RYR2: variants seen among roughly 807,000 people sequenced by gnomAD.
RYR2 encodes the protein ryanodine receptor 2, also known as cardiac muscle ryanodine receptor-calcium release channel.
A neutral mutation model predicts 601.1 loss-of-function variants in RYR2; 227 were observed. The ratio of observed to expected loss-of-function variants is 0.38; its 90% CI spans 0.34 to 0.42. The LOEUF (loss-of-function observed/expected upper bound fraction) is 0.42, where lower values mean the gene tolerates loss of function less well. RYR2 is among the 10% of genes least tolerant of loss of function. The pLI is 1.00. For missense variants in RYR2, 4,646 were observed against 6,156.5 expected (o/e 0.75, Z 8.21); for synonymous variants, 2,223 against 2,175.1 (o/e 1.02, Z -0.61).
In RYR2 at chr1:237,796,107, C is replaced by T. The variant is rs1031189933; in HGVS notation, c.13956+776C>T. On this transcript the variant is annotated intron_variant, in intron 96 of 104. Coordinates refer to ENST00000366574, the MANE Select transcript of RYR2 (RefSeq NM_001035.3). ...GGAGGAGGTACAAGTGTTTTGTTCC[C>T]TCGTGACCTGGCATCTTGAGTCGCA... Among the ~76,000 whole-genome samples the T allele has an allele frequency of 2.6e-5, 4 of 151,726 alleles. No individual in the cohort carries two copies. In the East Asian group the frequency reaches 5.8e-4, roughly 22 times the overall value.
chr1:237,496,093 G>A (rs1664039978), intron 19 of RYR2, among the ~76,000 whole-genome samples: 1 of 152,124 alleles, frequency 6.6e-6, no homozygotes, highest in African/African-American at 2.4e-5. Context: ...TCTTAGAGAA[G>A]CATGACTAAT....
rs974847063 is a variant in RYR2, at chr1:237,660,821, T to G, written c.8310T>G (p.Ile2770Met). 1 of 1,542,448 alleles carries G rather than the reference T, an allele frequency of 6.5e-7. No individual in the cohort carries two copies. The highest frequency in any genetic ancestry group is 1.4e-5 in the African/African-American group (1 of 72,746). Residue 2770 changes from isoleucine (I) to methionine (M), a missense_variant, in exon 56 of 105, where the codon ATT becomes ATG. Physicochemically the swap from Ile to Met is conservative, Grantham distance 10. Around this residue, in one of 17 missense-constraint regions of RYR2, gnomAD observed 1,497 missense variants for 1,842.6 expected, o/e 0.81. Transcript: ENST00000366574. ...YKLLSEKEKE[I>M]YRWPIKESLK... ...TTTTTCTTCTCTAGGAAAAAGAAATTTATCGCTGGCCAATCAAAGAATCTT... is the reference window on the plus strand; with the variant it reads ...TTTTTCTTCTCTAGGAAAAAGAAATGTATCGCTGGCCAATCAAAGAATCTT...
intron 58 of RYR2, among the ~76,000 whole-genome samples, chr1:237,668,954 G>A (rs1001989350): frequency 2.6e-5 from 4 of 151,818 alleles, no homozygotes; most frequent in Admixed American, 2.6e-4. Flanking sequence ...TAGGACAATA[G>A]TGGAGGGAAG....
chr1:237,561,546 CA>C (rs1671458720), intron 27 of RYR2, among the ~76,000 whole-genome samples: 3 of 152,118 alleles, frequency 2.0e-5, no homozygotes, highest in Admixed American at 6.5e-5. Flanking sequence ...AAAGAAAGTA[CA>C]TCTGATGTGA....
intron 50 of RYR2, among the ~76,000 whole-genome samples, chr1:237,650,740 T>G (rs980179230): frequency 5.9e-5 from 9 of 152,308 alleles, no homozygotes; most frequent in East Asian, 5.8e-4. Flanking sequence ...GCCAGCAGCC[T>G]GGCAGTCCCT....
chr1:237,666,531 A>C lies in RYR2; in HGVS notation c.8456A>C (p.His2819Pro). The change falls in exon 57 of 105, where the codon CAT becomes CCT. Residue 2819 changes from histidine (H) to proline (P), a missense_variant. His to Pro is a moderately conservative substitution (Grantham distance 77). This residue lies in a region of RYR2 where 1,497 missense variants were observed against 1,842.6 expected (regional missense o/e 0.81). Transcript: ENST00000366574. ...ATCTAGGTTTCTGTGGACGCTGCCCATGGTTACAGTCCCCGGGCCATTGAC... is the reference window on the plus strand; with the variant it reads ...ATCTAGGTTTCTGTGGACGCTGCCCCTGGTTACAGTCCCCGGGCCATTGAC... ...QTSQVSVDAA[H>P]GYSPRAIDMS... 1.2e-6 allele frequency: 2 copies of C among 1,612,494 alleles called. No individual in the cohort carries two copies. Among genetic ancestry groups the C allele is most frequent in the Non-Finnish European group, 1.7e-6 (2 of 1,179,306 alleles).
intron 1 of RYR2, among the ~76,000 whole-genome samples, chr1:237,169,453 C>T (rs1210952357): frequency 6.6e-6 from 1 of 152,082 alleles, no homozygotes; most frequent in African/African-American, 2.4e-5. Flanking sequence ...TACACGCCAC[C>T]ATGCCTGGCT....
intron 12 of RYR2, among the ~76,000 whole-genome samples, chr1:237,436,166 C>T (rs2150122768): frequency 6.6e-6 from 1 of 152,218 alleles, no homozygotes; most frequent in South Asian, 2.1e-4. Flanking sequence ...GATAAGGAAC[C>T]TTAATTACCT....
intron 101 of RYR2, among the ~76,000 whole-genome samples, chr1:237,824,989 A>G (rs1432290212): frequency 6.6e-6 from 1 of 152,246 alleles, no homozygotes; most frequent in African/African-American, 2.4e-5. Flanking sequence ...GGAGAACTAC[A>G]AACTACCACT....
intron 1 of RYR2, among the ~76,000 whole-genome samples, chr1:237,124,093 A>G (rs1434688741): frequency 6.6e-6 from 1 of 152,216 alleles, no homozygotes; most frequent in Non-Finnish European, 1.5e-5. Flanking sequence ...TCTATTTTAT[A>G]GCTGGAGAAC....
At chr1:237,759,704 T>G (rs1210518146) in intron 82 of RYR2, 72 bp from the exon 83 acceptor site, 1 of 898,096 alleles carries the variant, frequency 1.1e-6, no homozygotes, top group South Asian at 1.3e-5. Context: ...AAAGCCTGTT[T>G]TGGTTGTTTA....
At chr1:237,125,265 G>A (rs1252795196) in intron 1 of RYR2, among the ~76,000 whole-genome samples, 1 of 152,092 alleles carries the variant, frequency 6.6e-6, no homozygotes, top group Non-Finnish European at 1.5e-5. Context: ...TCGGAGGTTC[G>A]GTGGGTTGGG....
intron 1 of RYR2, among the ~76,000 whole-genome samples, chr1:237,101,397 CCTT>C (rs1334821987): frequency 1.3e-5 from 2 of 150,318 alleles, no homozygotes. Context: ...GGAGCAATCT[CCTT>C]AGCGCAGTGG....
intron 1 of RYR2, among the ~76,000 whole-genome samples, chr1:237,205,927 C>T (rs995221310): frequency 3.3e-5 from 5 of 152,184 alleles, no homozygotes; most frequent in Admixed American, 6.5e-5. Context: ...GAGTCAGACC[C>T]GCGACTGGCT....
chr1:237,659,966 AT>A lies in RYR2; in HGVS notation c.8209-18del. 6.5e-7 allele frequency: 1 copy of A among 1,529,544 alleles called. No individual in the cohort carries two copies. The highest frequency in any genetic ancestry group is 8.9e-7 in the Non-Finnish European group (1 of 1,124,584). The allele number at this position is 1,529,544 out of a possible 1,614,324, so 94.7% of individuals were successfully genotyped here. ...ATTAACACGTGTAAAACAATTTTTA[AT>A]GTTTGCCTTTTTTTAAGTTGGCAAA... On this transcript the variant is annotated intron_variant, in intron 54 of 104. Coordinates refer to ENST00000366574, the MANE Select transcript of RYR2 (RefSeq NM_001035.3).
At position 237,082,214 on chromosome 1, in the gene RYR2, T is replaced by C. The variant is rs74362206; in HGVS notation, c.48+39645T>C. Among the ~76,000 whole-genome samples, 1,218 of 152,148 alleles carry C rather than the reference T, an allele frequency of 8.0e-3. 19 individuals carry two copies. Among genetic ancestry groups the C allele is most frequent in the African/African-American group, 0.028 (1,157 of 41,526 alleles). Reference sequence around the variant, plus strand: ...AACTTATTGACTCTTCACAGGATCATGTGAGGTATGGGAGGTTAAGCCACA... The same window carrying C: ...AACTTATTGACTCTTCACAGGATCACGTGAGGTATGGGAGGTTAAGCCACA... On this transcript the variant is annotated intron_variant, in intron 1 of 104. Coordinates refer to ENST00000366574, the MANE Select transcript of RYR2 (RefSeq NM_001035.3).
intron 93 of RYR2, 94 bp from the exon 94 acceptor site, chr1:237,792,011 C>T: frequency 1.1e-6 from 1 of 874,282 alleles, no homozygotes; most frequent in African/African-American, 1.7e-5. Context: ...TCACATCCAA[C>T]TATTTGCTGA....
chr1:237,642,136 G>A (rs1454168086), intron 47 of RYR2, among the ~76,000 whole-genome samples: 4 of 152,068 alleles, frequency 2.6e-5, no homozygotes, highest in African/African-American at 9.7e-5. Flanking sequence ...ATGAAGCCAG[G>A]GCTTTCTTAC....
intron 1 of RYR2, among the ~76,000 whole-genome samples, chr1:237,077,096 G>A: frequency 1.9e-5 from 1 of 51,322 alleles, no homozygotes; most frequent in Non-Finnish European, 5.5e-5. Context: ...GTCACCACCA[G>A]GCCTGTCCTA....
Sources: allele counts gnomAD v4.1 joint callset (sites outside exome capture counted in the v4.1 genomes callset), GRCh38; gene constraint gnomAD v4.1.1; regional missense constraint gnomAD v4.1.1; transcripts MANE v1.5; gene names NCBI Gene and HGNC (gene_info 2026-07-23, HGNC 2026-07-21).